ZNF770: variants seen among roughly 807,000 people sequenced by gnomAD.
ZNF770 encodes the protein zinc finger protein 770.
ZNF770 carries 13 observed loss-of-function variants against 44.8 expected under a neutral mutation model. That is an observed-to-expected ratio of 0.29 (90% confidence interval 0.19 to 0.46). The LOEUF is 0.46. ZNF770 is among the 20% of genes least tolerant of loss of function. The pLI is 1.00. For missense variants in ZNF770, 681 were observed against 797.9 expected, an observed-to-expected ratio of 0.85 and a Z score of 1.77; for synonymous variants, 304 against 271.8, an observed-to-expected ratio of 1.12 and a Z score of -1.17.
Position 34,981,325 on chromosome 15 carries a change from A to G in ZNF770, c.*34T>C, listed in dbSNP as rs918519350. The G allele has an allele frequency of 2.6e-6, 4 of 1,556,214 alleles. No homozygotes were observed. In the African/African-American group the frequency reaches 5.5e-5, roughly 21 times the overall value. ...TAATACAGGCTTTAAAAATAAGATC[A>G]CCAGAGACCACAATTGTTAGTGGTT... On this transcript the variant is annotated 3_prime_UTR_variant, in exon 3 of 3. Coordinates refer to ENST00000356321, the MANE Select transcript of ZNF770 (RefSeq NM_014106.4).
chr15:34,984,921 C>A (rs1373577758), intron 2 of ZNF770, among the ~76,000 whole-genome samples: 1 of 151,922 alleles, frequency 6.6e-6, no homozygotes, highest in Non-Finnish European at 1.5e-5. Context: ...TCACATGAGG[C>A]CAGGAGTTTA....
rs2050407565 is a variant in ZNF770 at position 34,982,284 on chromosome 15, G to A, written c.1151C>T (p.Thr384Ile). 1 of 1,613,676 alleles carries A rather than the reference G, an allele frequency of 6.2e-7. No individual in the cohort carries two copies. Among genetic ancestry groups the A allele is most frequent in the Non-Finnish European group, 8.5e-7 (1 of 1,179,918 alleles). The part of the protein sequence containing the change: ...GEQSSEQTQR[T>I]FVGSLGKHGT... ...ATGTTTGCCAAGAGAACCCACAAAT[G>A]TTCTCTGGGTTTGTTCAGAGCTCTG... is the stretch of plus-strand genomic sequence containing the variant. Residue 384 changes from threonine (T) to isoleucine (I), a missense_variant, in exon 3 of 3, where the codon ACA becomes ATA. Physicochemically the swap from Thr to Ile is moderately conservative, Grantham distance 89. This residue lies in a region of ZNF770 where 432 missense variants were observed against 434.1 expected (regional missense o/e 1.00). Coordinates refer to ENST00000356321, the MANE Select transcript of ZNF770 (RefSeq NM_014106.4).
Position 34,982,904 on chromosome 15 carries a change from C to A in ZNF770, c.531G>T (p.Arg177Ser). Residue 177 changes from arginine (R) to serine (S), a missense_variant, in exon 3 of 3, where the codon AGG (arginine) becomes AGT (serine). Around this residue, in one of 5 missense-constraint regions of ZNF770, gnomAD observed 432 missense variants for 434.1 expected, o/e 1.00. Coordinates refer to ENST00000356321, the MANE Select transcript of ZNF770 (RefSeq NM_014106.4). ...KMFPSQSKLD[R>S]HVLIHTGQRP... is the part of the protein sequence containing the mutation. ...TCTGACCAGTATGAATAAGTACATG[C>A]CTATCAAGTTTTGACTGTGATGGAA... The A allele has an allele frequency of 6.2e-7, 1 of 1,613,956 alleles. No homozygotes were observed. The highest frequency in any genetic ancestry group is 8.5e-7 in the Non-Finnish European group (1 of 1,179,966).
intron 2 of ZNF770, among the ~76,000 whole-genome samples, chr15:34,985,514 TCA>T (rs1242267443): frequency 6.6e-6 from 1 of 152,210 alleles, no homozygotes; most frequent in Non-Finnish European, 1.5e-5. Flanking sequence ...AGTTACTTTA[TCA>T]CAGTGTTTTT....
Position 34,981,824 on chromosome 15 carries a change from T to C in ZNF770, c.1611A>G (p.Val537=). The C allele has an allele frequency of 1.9e-6, 3 of 1,614,122 alleles. No homozygotes were observed. Among genetic ancestry groups the C allele is most frequent in the Non-Finnish European group, 2.5e-6 (3 of 1,180,038 alleles). ...AAAGATTGTTGAAGTTTCCAAATTCTACTTGGCAAAGAGATGCATAAGGAC... is the reference window on the plus strand; with the variant it reads ...AAAGATTGTTGAAGTTTCCAAATTCCACTTGGCAAAGAGATGCATAAGGAC... ...EKSPYASLCQ[V]EFGNFNNLSN... The change falls in exon 3 of 3, where the codon GTA becomes GTG. Residue 537 remains valine, a synonymous_variant. Coordinates refer to ENST00000356321, the MANE Select transcript of ZNF770 (RefSeq NM_014106.4).
rs1267351778 is a variant in ZNF770 at position 34,979,233 on chromosome 15, A to T, written c.*2126T>A. 6.3e-6 allele frequency: 1 copy of T among 158,070 alleles called. No homozygotes were observed. Among genetic ancestry groups the T allele is most frequent in the Non-Finnish European group, 1.4e-5 (1 of 71,506 alleles). The allele number at this position is 158,070 out of a possible 1,614,324, so 9.8% of individuals were successfully genotyped here. On this transcript the variant is annotated 3_prime_UTR_variant, in exon 3 of 3. Coordinates refer to ENST00000356321, the MANE Select transcript of ZNF770 (RefSeq NM_014106.4). ...TAGGACTCTCCCTGTTTAGGCTGGGAAAAACATTATACAAAACATTTTCTT... is the reference window on the plus strand; with the variant it reads ...TAGGACTCTCCCTGTTTAGGCTGGGTAAAACATTATACAAAACATTTTCTT...
In ZNF770 at chr15:34,979,335, C is replaced by G. The variant is rs2050386160; in HGVS notation, c.*2024G>C. ...AACATATTAAGGAGAAAACCTTGAA[C>G]ATTATTGGAAAATATAAACTAGTTA... On this transcript the variant is annotated 3_prime_UTR_variant, in exon 3 of 3. Transcript: ENST00000356321. 1 of 160,460 alleles carries G rather than the reference C, an allele frequency of 6.2e-6. No homozygotes were observed. The highest frequency in any genetic ancestry group is 2.4e-5 in the African/African-American group (1 of 41,458). The allele number at this position is 160,460 out of a possible 1,614,324, so 9.9% of individuals were successfully genotyped here. A position where few individuals can be genotyped will look rare whatever the true frequency, so the allele number is the denominator to read the frequency against.
In ZNF770 at chr15:34,978,860, T is replaced by C. The variant is rs2050383404; in HGVS notation, c.*2499A>G. 2.0e-5 allele frequency: 3 copies of C among 152,300 alleles called. No individual in the cohort carries two copies. The highest frequency in any genetic ancestry group is 2.1e-4 in the South Asian group (1 of 4,828). The allele number at this position is 152,300 out of a possible 1,614,324, so 9.4% of individuals were successfully genotyped here. On this transcript the variant is annotated 3_prime_UTR_variant, in exon 3 of 3. Transcript: ENST00000356321. ...TTACATAAAATGACATATTTGTATA[T>C]AACCAACGCACATCCGCCTGTATAC... is the stretch of plus-strand genomic sequence containing the variant.
chr15:34,986,775 A>C (rs2050437508), intron 2 of ZNF770, among the ~76,000 whole-genome samples: 1 of 152,226 alleles, frequency 6.6e-6, no homozygotes, highest in African/African-American at 2.4e-5. Context: ...GGAGTGAAAG[A>C]AGCTGGGTCA....
chr15:34,982,075 A>C lies in ZNF770; in HGVS notation c.1360T>G (p.Cys454Gly). Reference protein sequence around the residue: ...GSSGEEFFNNCEVLQCGFSVP... With the variant: ...GSSGEEFFNNGEVLQCGFSVP... ...GAAAAACCACACTGAAGTACCTCAC[A>C]GTTATTAAAGAATTCCTCACCTGAT... The change falls in exon 3 of 3, where the codon TGT (cysteine) becomes GGT (glycine). Residue 454 changes from cysteine to glycine, a missense_variant. Cys to Gly is a radical substitution (Grantham distance 159). Around this residue, in one of 5 missense-constraint regions of ZNF770, gnomAD observed 432 missense variants for 434.1 expected, o/e 1.00. Transcript: ENST00000356321. 6.2e-7 allele frequency: 1 copy of C among 1,613,874 alleles called. No individual in the cohort carries two copies. The highest frequency in any genetic ancestry group is 8.5e-7 in the Non-Finnish European group (1 of 1,180,024).
rs769589076 is a variant in ZNF770 at position 34,982,695 on chromosome 15, A to G, written c.740T>C (p.Leu247Pro). The change falls in exon 3 of 3, where the codon CTT becomes CCT. Residue 247 changes from leucine (L) to proline (P), a missense_variant. Leu to Pro is a moderately conservative substitution (Grantham distance 98, BLOSUM62 -3). Coordinates refer to ENST00000356321, the MANE Select transcript of ZNF770 (RefSeq NM_014106.4). ...IHTRNKAFRA[L>P]LLKKRRTESR... is the part of the protein sequence containing the mutation. Reference sequence around the variant, plus strand: ...TTCTGTACGCCTCTTCTTTAATAAAAGAGCCCGAAAAGCCTTATTCCTAGT... The same window carrying G: ...TTCTGTACGCCTCTTCTTTAATAAAGGAGCCCGAAAAGCCTTATTCCTAGT... 1 of 1,612,882 alleles carries G rather than the reference A, an allele frequency of 6.2e-7. No individual in the cohort carries two copies. Among genetic ancestry groups the G allele is most frequent in the Non-Finnish European group, 8.5e-7 (1 of 1,179,934 alleles).
rs2050408271 is a variant in ZNF770 at position 34,982,366 on chromosome 15, C to G, written c.1069G>C (p.Glu357Gln). The G allele has an allele frequency of 6.2e-7, 1 of 1,605,308 alleles. No individual in the cohort carries two copies. Among genetic ancestry groups the G allele is most frequent in the Admixed American group, 1.7e-5 (1 of 57,842 alleles). The change falls in exon 3 of 3, where the codon GAG becomes CAG. Residue 357 changes from glutamate to glutamine, a missense_variant. Glu to Gln is a conservative substitution (Grantham distance 29). Coordinates refer to ENST00000356321, the MANE Select transcript of ZNF770 (RefSeq NM_014106.4). ...RSKKLDNFQS[E>Q]KKVFKKSFLR... ...AAACTCTTTTTAAATACTTTTTTCT[C>G]AGATTGAAAGTTATCTAATTTTTTA...
At chr15:34,985,009 T>A (rs774739847) in intron 2 of ZNF770, among the ~76,000 whole-genome samples, 2 of 151,900 alleles carry the variant, frequency 1.3e-5, no homozygotes, top group Non-Finnish European at 2.9e-5. Flanking sequence ...AGTGCACATA[T>A]GTTAATTCCA....
At chr15:34,983,680 C>A (rs1252524563) in intron 2 of ZNF770, among the ~76,000 whole-genome samples, 190 bp from the exon 3 acceptor site, 1 of 152,042 alleles carries the variant, frequency 6.6e-6, no homozygotes, top group East Asian at 1.9e-4. Context: ...AGATATGAGT[C>A]TTTAAAAGAA....
chr15:34,979,169 C>G lies in ZNF770; in HGVS notation c.*2190G>C, dbSNP rs983161572. 6.5e-6 allele frequency: 1 copy of G among 152,918 alleles called. No homozygotes were observed. The highest frequency in any genetic ancestry group is 1.5e-5 in the Non-Finnish European group (1 of 68,292). 9.5% of individuals were successfully genotyped at this position (152,918 alleles called of 1,614,324 possible). ...AAATAAAGTATAGTAGTATCACTTACGCAAATAAAGTCTCAGAATCATACA... is the reference window on the plus strand; with the variant it reads ...AAATAAAGTATAGTAGTATCACTTAGGCAAATAAAGTCTCAGAATCATACA... On this transcript the variant is annotated 3_prime_UTR_variant, in exon 3 of 3. Transcript: ENST00000356321.
intron 2 of ZNF770, among the ~76,000 whole-genome samples, chr15:34,987,044 T>C (rs1422988415): frequency 6.6e-6 from 1 of 152,250 alleles, no homozygotes; most frequent in East Asian, 1.9e-4. Context: ...ACACAGGATT[T>C]TGGTATAAAG....
intron 2 of ZNF770, 62 bp from the exon 3 acceptor site, chr15:34,983,552 TA>T (rs1283247722): frequency 1.2e-4 from 116 of 941,126 alleles, no homozygotes; most frequent in Non-Finnish European, 1.5e-4. Flanking sequence ...AAAAGTAACT[TA>T]AGTTGTTCTT....
At chr15:34,984,355 T>C (rs1430719304) in intron 2 of ZNF770, among the ~76,000 whole-genome samples, 1 of 152,172 alleles carries the variant, frequency 6.6e-6, no homozygotes, top group Non-Finnish European at 1.5e-5. Flanking sequence ...CTGACTAAAT[T>C]TACAGGTTTT....
In ZNF770 at chr15:34,982,058, A is replaced by G. The variant is rs911147004; in HGVS notation, c.1377T>C (p.Cys459=). 20 of 1,613,642 alleles carry G rather than the reference A, an allele frequency of 1.2e-5. No homozygotes were observed. In the African/African-American group the frequency reaches 2.3e-4, roughly 18 times the overall value. ...TGTTTTCCCTTGGAACTGAAAAACC[A>G]CACTGAAGTACCTCACAGTTATTAA... ...EFFNNCEVLQ[C]GFSVPRENIR... Residue 459 remains cysteine (C), a synonymous_variant, in exon 3 of 3, where the codon TGT becomes TGC. Transcript: ENST00000356321.
Sources: allele counts gnomAD v4.1 joint callset (sites outside exome capture counted in the v4.1 genomes callset), GRCh38; gene constraint gnomAD v4.1.1; regional missense constraint gnomAD v4.1.1; transcripts MANE v1.5; gene names NCBI Gene and HGNC (gene_info 2026-07-23, HGNC 2026-07-21).